PPP6R3: variants seen among roughly 807,000 people sequenced by gnomAD.
PPP6R3 encodes the protein serine/threonine-protein phosphatase 6 regulatory subunit 3.
A neutral mutation model predicts 110.7 loss-of-function variants in PPP6R3; 38 were observed. The ratio of observed to expected loss-of-function variants is 0.34; its 90% confidence interval spans 0.26 to 0.45. The LOEUF (loss-of-function observed/expected upper bound fraction) is 0.45, where lower values mean the gene tolerates loss of function less well. PPP6R3 is among the 20% of genes least tolerant of loss of function. The pLI, the probability that PPP6R3 is intolerant of heterozygous loss-of-function variation, is 1.00. For synonymous variants in PPP6R3, 369 were observed against 373.5 expected (o/e 0.99, Z 0.14); for missense variants, 870 against 1,062.4 (o/e 0.82, Z 2.52).
chr11:68,554,316 C>T (rs893054938), intron 7 of PPP6R3, 59 bp downstream of exon 7: 73 of 1,312,510 alleles, frequency 5.6e-5, no homozygotes, highest in Non-Finnish European at 7.5e-5. Flanking sequence ...CATGTGTTAC[C>T]ATTGTGAGTG....
intron 6 of PPP6R3, 60 bp from the exon 7 acceptor site, chr11:68,554,085 T>C (rs2099390631): frequency 3.1e-6 from 4 of 1,280,946 alleles, no homozygotes; most frequent in Non-Finnish European, 4.4e-6. Context: ...CTTTCATTTT[T>C]AAATTATAAA....
intron 16 of PPP6R3, among the ~76,000 whole-genome samples, chr11:68,590,454 A>G (rs368885315): frequency 8.5e-5 from 13 of 152,338 alleles, no homozygotes; most frequent in Admixed American, 6.5e-4. Flanking sequence ...GAAGGCTTCT[A>G]TTGCAGCCCT....
intron 14 of PPP6R3, among the ~76,000 whole-genome samples, chr11:68,580,894 C>T (rs1235226552): frequency 6.6e-6 from 1 of 151,382 alleles, no homozygotes; most frequent in Non-Finnish European, 1.5e-5. Context: ...GCCTCAGCCT[C>T]CTGAGTAGCT....
At chr11:68,474,278 T>C (rs2153276320) in intron 1 of PPP6R3, among the ~76,000 whole-genome samples, 2 of 152,310 alleles carry the variant, frequency 1.3e-5, no homozygotes, top group Middle Eastern at 6.8e-3. Context: ...ACTTCTGGCT[T>C]CAAGCAGTCC....
At chr11:68,465,053 T>C (rs1331998496) in intron 1 of PPP6R3, among the ~76,000 whole-genome samples, 1 of 152,122 alleles carries the variant, frequency 6.6e-6, no homozygotes, top group Non-Finnish European at 1.5e-5. Context: ...GGCTCATTTT[T>C]GTATTTTTAG....
intron 1 of PPP6R3, among the ~76,000 whole-genome samples, chr11:68,507,633 G>C (rs1275640773): frequency 2.0e-5 from 3 of 152,118 alleles, no homozygotes; most frequent in African/African-American, 7.2e-5. Flanking sequence ...TTTAGAAAAC[G>C]TGTGAGGGTA....
chr11:68,545,483 C>G (rs759217989), intron 4 of PPP6R3, among the ~76,000 whole-genome samples: 11 of 152,216 alleles, frequency 7.2e-5, no homozygotes, highest in Non-Finnish European at 1.3e-4. Context: ...TGTTTTGATT[C>G]TACTCAAAAC....
At chr11:68,527,198 G>T (rs1359148047) in intron 2 of PPP6R3, among the ~76,000 whole-genome samples, 1 of 152,222 alleles carries the variant, frequency 6.6e-6, no homozygotes, top group Non-Finnish European at 1.5e-5. Context: ...TGACATTGGA[G>T]AAGTAATGGT....
intron 21 of PPP6R3, 110 bp downstream of exon 21, chr11:68,602,079 T>C: frequency 1.3e-6 from 1 of 776,322 alleles, no homozygotes. Flanking sequence ...AGATGGTGGG[T>C]CTGATGTCCA....
intron 2 of PPP6R3, among the ~76,000 whole-genome samples, chr11:68,531,155 A>T (rs888632755): frequency 7.9e-5 from 12 of 151,962 alleles, no homozygotes; most frequent in Non-Finnish European, 1.5e-4. Context: ...TATGTATTTA[A>T]ATTTGTGAAG....
chr11:68,614,508 A>G lies in PPP6R3; in HGVS notation c.*1391A>G. 6.4e-6 allele frequency: 9 copies of G among 1,415,810 alleles called. No individual in the cohort carries two copies. The South Asian group carries it at 1.3e-4, about 20-fold the overall frequency. 87.7% of individuals were successfully genotyped at this position (1,415,810 alleles called of 1,614,324 possible). A position where few individuals can be genotyped will look rare whatever the true frequency, so the allele number is the denominator to read the frequency against. On this transcript the variant is annotated 3_prime_UTR_variant, in exon 24 of 24. Coordinates refer to ENST00000393800, the MANE Select transcript of PPP6R3 (RefSeq NM_001164161.2). Reference sequence around the variant, plus strand: ...TAAAACCAAAAGGATATTCTGAAAAATGGCCAACAATTTTTTTAGAAGTAG... The same window carrying G: ...TAAAACCAAAAGGATATTCTGAAAAGTGGCCAACAATTTTTTTAGAAGTAG...
intron 1 of PPP6R3, among the ~76,000 whole-genome samples, chr11:68,511,465 T>A (rs181913694): frequency 5.6e-5 from 8 of 142,258 alleles, no homozygotes; most frequent in South Asian, 2.3e-4. Flanking sequence ...TGTGTTAGAG[T>A]GTGTGTGTGT....
In PPP6R3 at chr11:68,557,770, G is replaced by A. The variant is rs556428873; in HGVS notation, c.732-796G>A. On this transcript the variant is annotated intron_variant, in intron 7 of 23. Coordinates refer to ENST00000393800, the MANE Select transcript of PPP6R3 (RefSeq NM_001164161.2). ...CCTGACCTTGTGATCCGCCTGCCTC[G>A]GCCTCCCAAAGTGTGGGGATTACAG... 7.2e-5 allele frequency among the ~76,000 whole-genome samples: 11 copies of A among 152,220 alleles called. No homozygotes were observed. The East Asian group carries it at 2.1e-3, about 29-fold the overall frequency.
intron 1 of PPP6R3, among the ~76,000 whole-genome samples, chr11:68,510,051 G>A (rs986824136): frequency 3.4e-5 from 4 of 118,054 alleles, no homozygotes; most frequent in African/African-American, 1.3e-4. Flanking sequence ...TACTGTGCTC[G>A]GCCTTTTTTT....
chr11:68,486,726 C>G (rs1193701), intron 1 of PPP6R3, among the ~76,000 whole-genome samples: 148,615 of 152,188 alleles, frequency 0.98, 72,646 homozygotes, highest in East Asian at 1. Context: ...AACCCATGTG[C>G]GCCTAGTGCT....
intron 22 of PPP6R3, among the ~76,000 whole-genome samples, chr11:68,608,361 T>C (rs903658930): frequency 6.6e-6 from 1 of 152,124 alleles, no homozygotes; most frequent in Non-Finnish European, 1.5e-5. Context: ...GATAACAATA[T>C]AGGACTTGAT....
In PPP6R3 at chr11:68,601,957, G is replaced by A; in HGVS notation, c.2287G>A (p.Val763Met). The change falls in exon 21 of 24, where the codon GTG becomes ATG. Residue 763 changes from valine (V) to methionine (M), a missense_variant. Val to Met is a conservative substitution (Grantham distance 21). Coordinates refer to ENST00000393800, the MANE Select transcript of PPP6R3 (RefSeq NM_001164161.2). The part of the protein sequence containing the change: ...PLTPSAAALA[V>M]QPEAAGSVAM... ...GACTCCCAGTGCGGCTGCCCTGGCAGTGCAGCCAGAAGGTGCGTGCAGAGA... is the reference window on the plus strand; with the variant it reads ...GACTCCCAGTGCGGCTGCCCTGGCAATGCAGCCAGAAGGTGCGTGCAGAGA... 2 of 1,612,560 alleles carry A rather than the reference G, an allele frequency of 1.2e-6. No individual in the cohort carries two copies. Among genetic ancestry groups the A allele is most frequent in the South Asian group, 1.1e-5 (1 of 90,718 alleles).
rs142031045 is a variant in PPP6R3, at chr11:68,497,498, G to A, written c.-157-22003G>A. On this transcript the variant is annotated intron_variant, in intron 1 of 23. Coordinates refer to ENST00000393800, the MANE Select transcript of PPP6R3 (RefSeq NM_001164161.2). ...CTCCTGAGTAGCTGGGACTACAGACGTATGCTACCACGCCTGACTGATTTT... is the reference window on the plus strand; with the variant it reads ...CTCCTGAGTAGCTGGGACTACAGACATATGCTACCACGCCTGACTGATTTT... Among the ~76,000 whole-genome samples the A allele has an allele frequency of 3.0e-3, 454 of 152,154 alleles. 3 individuals carry two copies. The highest frequency in any genetic ancestry group is 0.01 in the Middle Eastern group (3 of 294).
intron 1 of PPP6R3, among the ~76,000 whole-genome samples, chr11:68,515,834 C>A (rs2099133958): frequency 6.6e-6 from 1 of 152,242 alleles, no homozygotes; most frequent in Non-Finnish European, 1.5e-5. Flanking sequence ...GACAGACATT[C>A]AGCCAGAACG....
Sources: gnomAD v4.1 joint callset for allele counts (sites outside exome capture counted in the v4.1 genomes callset) on GRCh38, gnomAD v4.1.1 for gene constraint, MANE v1.5 for transcripts, NCBI Gene and HGNC (gene_info 2026-07-23, HGNC 2026-07-21) for gene names.